Variants in ZNF385D observed in about 807,000 individuals in gnomAD.
The protein encoded by ZNF385D is zinc finger protein 659.
A neutral mutation model predicts 35.8 loss-of-function variants in ZNF385D; 15 were observed. That is an observed-to-expected ratio of 0.42 (90% confidence interval 0.28 to 0.64). The LOEUF (loss-of-function observed/expected upper bound fraction) is 0.64. Ranked by LOEUF, ZNF385D falls within the 30% of genes least tolerant of loss-of-function variation. The pLI is 0.23. For synonymous variants in ZNF385D, 212 were observed against 186.8 expected (o/e 1.13, Z -1.10); for missense variants, 474 against 494.6 (o/e 0.96, Z 0.39).
chr3:21,887,346 T>C (rs1698602454), intron 3 of ZNF385D, among the ~76,000 whole-genome samples: 1 of 152,048 alleles, frequency 6.6e-6, no homozygotes. Context: ...CTATGCACAT[T>C]AATAAAATAG....
chr3:21,857,818 G>A (rs1270206107), intron 3 of ZNF385D, among the ~76,000 whole-genome samples: 1 of 151,780 alleles, frequency 6.6e-6, no homozygotes, highest in African/African-American at 2.4e-5. Flanking sequence ...AAGGCATAGA[G>A]CCAAGCAGAG....
chr3:21,564,563 G>T lies in ZNF385D; in HGVS notation c.276+11C>A. On this transcript the variant is annotated intron_variant, in intron 3 of 7. Transcript: ENST00000281523. ...TTTTTTTTTTAAGTGAACACTAAAT[G>T]ATAAACTTACATCAGAATTAAATCT... 2 of 1,473,360 alleles carry T rather than the reference G, an allele frequency of 1.4e-6. No homozygotes were observed. Among genetic ancestry groups the T allele is most frequent in the Non-Finnish European group, 1.8e-6 (2 of 1,096,028 alleles). The allele number at this position is 1,473,360 out of a possible 1,614,324, so 91.3% of individuals were successfully genotyped here.
chr3:22,301,105 G>A (rs934046931), intron 2 of ZNF385D, among the ~76,000 whole-genome samples: 3 of 152,008 alleles, frequency 2.0e-5, no homozygotes, highest in Non-Finnish European at 4.4e-5. Context: ...CAGCCCTTAA[G>A]AAGAAGGAAA....
At chr3:22,086,986 G>C (rs951826298) in intron 3 of ZNF385D, among the ~76,000 whole-genome samples, 1 of 152,084 alleles carries the variant, frequency 6.6e-6, no homozygotes, top group Non-Finnish European at 1.5e-5. Context: ...TAATGTAAAT[G>C]ACAAGTTAAT....
intron 2 of ZNF385D, among the ~76,000 whole-genome samples, chr3:22,332,044 T>C (rs1215887541): frequency 1.3e-5 from 2 of 152,188 alleles, no homozygotes; most frequent in Non-Finnish European, 1.5e-5. Context: ...GTACAATAAA[T>C]ACCCACGATA....
intron 2 of ZNF385D, among the ~76,000 whole-genome samples, chr3:21,609,835 A>G (rs925635091): frequency 1.2e-4 from 18 of 152,216 alleles, no homozygotes; most frequent in African/African-American, 4.3e-4. Context: ...GCAAAGATAA[A>G]TGGAACTCAC....
chr3:22,138,333 A>C (rs1409926668), intron 3 of ZNF385D, among the ~76,000 whole-genome samples: 2 of 152,220 alleles, frequency 1.3e-5, no homozygotes, highest in Admixed American at 6.5e-5. Flanking sequence ...GTTCATATGG[A>C]ATCAAAATAG....
intron 2 of ZNF385D, among the ~76,000 whole-genome samples, chr3:21,575,543 C>T (rs114896627): frequency 2.5e-3 from 373 of 152,236 alleles, no homozygotes; most frequent in African/African-American, 8.7e-3. Flanking sequence ...ACCTTTAAGT[C>T]ATTTGCACTT....
At chr3:22,142,924 G>GATA (rs1422371826) in intron 3 of ZNF385D, among the ~76,000 whole-genome samples, 6 of 151,824 alleles carry the variant, frequency 4.0e-5, no homozygotes, top group African/African-American at 1.5e-4. Flanking sequence ...ACAGTCCCAG[G>GATA]ATACTGCACT....
In ZNF385D at chr3:21,675,296, G is replaced by A. The variant is rs180687955; in HGVS notation, c.23-10268C>T. On this transcript the variant is annotated intron_variant, in intron 1 of 7. Coordinates refer to ENST00000281523, the MANE Select transcript of ZNF385D (RefSeq NM_024697.3). Reference sequence around the variant, plus strand: ...TTAAACATGGATTTCATTTTTAGGTGTAAATTTATGCTATCTCATAAACAA... The same window carrying A: ...TTAAACATGGATTTCATTTTTAGGTATAAATTTATGCTATCTCATAAACAA... 2.7e-3 allele frequency among the ~76,000 whole-genome samples: 407 copies of A among 151,734 alleles called. 3 individuals carry two copies. Among genetic ancestry groups the A allele is most frequent in the African/African-American group, 9.2e-3 (381 of 41,500 alleles).
intron 2 of ZNF385D, among the ~76,000 whole-genome samples, chr3:22,234,834 T>A (rs1236967974): frequency 2.0e-5 from 3 of 152,086 alleles, no homozygotes; most frequent in Non-Finnish European, 4.4e-5. Flanking sequence ...GAATGCTCAA[T>A]AAAATATTGC....
At chr3:21,587,500 A>G (rs1295138256) in intron 2 of ZNF385D, among the ~76,000 whole-genome samples, 1 of 152,224 alleles carries the variant, frequency 6.6e-6, no homozygotes, top group East Asian at 1.9e-4. Context: ...AGACCATCAT[A>G]TGAATAAAGG....
chr3:22,185,242 T>C (rs932719773), intron 2 of ZNF385D, among the ~76,000 whole-genome samples: 1 of 152,132 alleles, frequency 6.6e-6, no homozygotes, highest in East Asian at 1.9e-4. Context: ...AACGAAATAC[T>C]AAGAGAACAT....
intron 3 of ZNF385D, among the ~76,000 whole-genome samples, chr3:22,110,586 A>T (rs62246422): frequency 0.13 from 20,059 of 151,878 alleles, 1,553 homozygotes; most frequent in Middle Eastern, 0.22. Flanking sequence ...GGAATTGAAC[A>T]ATGAGAACAC....
At chr3:21,753,789 T>TTGTG (rs145331908), upstream of ZNF385D, among the ~76,000 whole-genome samples, 34,327 of 124,400 alleles carry the variant, frequency 0.28, 4,483 homozygotes, top group East Asian at 0.37. Context: ...GTTGTTGTTG[T>TTGTG]TGTGTGTGTG....
intron 2 of ZNF385D, among the ~76,000 whole-genome samples, chr3:21,626,401 G>T (rs1559470492): frequency 1.3e-5 from 2 of 152,080 alleles, no homozygotes; most frequent in African/African-American, 2.4e-5. Flanking sequence ...AAAAATGATA[G>T]TCATTAAATT....
At chr3:21,933,310 C>A (rs984289332) in intron 3 of ZNF385D, among the ~76,000 whole-genome samples, 5 of 152,158 alleles carry the variant, frequency 3.3e-5, no homozygotes, top group Non-Finnish European at 5.9e-5. Flanking sequence ...GTTTCTCTGT[C>A]CCCAGAAGAA....
intron 3 of ZNF385D, among the ~76,000 whole-genome samples, chr3:21,962,966 G>C (rs7619247): frequency 0.25 from 37,487 of 152,060 alleles, 5,127 homozygotes; most frequent in East Asian, 0.32. Context: ...CTTTCTCCAA[G>C]ATTATCTCTG....
intron 3 of ZNF385D, among the ~76,000 whole-genome samples, chr3:21,955,618 C>G (rs1474041331): frequency 6.6e-6 from 1 of 152,110 alleles, no homozygotes; most frequent in African/African-American, 2.4e-5. Context: ...TTGAATTTAC[C>G]TAAATTTTGC....
Sources: gnomAD v4.1 joint callset for allele counts (sites outside exome capture counted in the v4.1 genomes callset) on GRCh38, gnomAD v4.1.1 for gene constraint, MANE v1.5 for transcripts, NCBI Gene and HGNC (gene_info 2026-07-23, HGNC 2026-07-21) for gene names.